Variants in AGMO observed in about 807,000 individuals in gnomAD.
The protein encoded by AGMO is glyceryl-ether monooxygenase.
AGMO carries 75 observed loss-of-function variants against 60.2 expected under a neutral mutation model. That is an observed-to-expected ratio of 1.25 (90% CI 1.03 to 1.51). The LOEUF is 1.51. AGMO is among the 40% of genes most tolerant of loss of function. The pLI, the probability that AGMO is intolerant of heterozygous loss-of-function variation, is 0.00. For missense variants in AGMO, 763 were observed against 525.5 expected (o/e 1.45, Z -4.42); for synonymous variants, 261 against 177.1 (o/e 1.47, Z -3.76).
the AGMO span, among the ~76,000 whole-genome samples, chr7:15,119,505 G>A: frequency 2.6e-5 from 4 of 151,940 alleles, no homozygotes; most frequent in African/African-American, 7.3e-5. Flanking sequence ...AAATTCTAAG[G>A]TCAGTCATCA....
intron 10 of AGMO, among the ~76,000 whole-genome samples, chr7:15,385,143 T>G (rs562708282): frequency 6.6e-6 from 1 of 152,202 alleles, no homozygotes; most frequent in Non-Finnish European, 1.5e-5. Flanking sequence ...TTCTGACTTC[T>G]GAAGTATTTT....
At chr7:15,383,709 T>G (rs763877097) in intron 10 of AGMO, among the ~76,000 whole-genome samples, 58 of 152,298 alleles carry the variant, frequency 3.8e-4, no homozygotes, top group Non-Finnish European at 6.5e-4. Flanking sequence ...GACTCATGCC[T>G]ATCAATAATA....
At chr7:15,205,386 G>GA (rs927931788) in intron 12 of AGMO, among the ~76,000 whole-genome samples, 1 of 151,208 alleles carries the variant, frequency 6.6e-6, no homozygotes. Context: ...ATTCACAAGA[G>GA]AAAAAAAATC....
At chr7:15,347,236 G>A (rs1373614044) in intron 12 of AGMO, among the ~76,000 whole-genome samples, 1 of 151,908 alleles carries the variant, frequency 6.6e-6, no homozygotes, top group African/African-American at 2.4e-5. Context: ...ATAGATTAAA[G>A]GACCTAGATC....
At chr7:15,136,458 A>G in the AGMO span, among the ~76,000 whole-genome samples, 2 of 152,018 alleles carry the variant, frequency 1.3e-5, no homozygotes, top group Non-Finnish European at 1.5e-5. Flanking sequence ...CAGTTGAGTC[A>G]TCATTGCTTT....
intron 3 of AGMO, among the ~76,000 whole-genome samples, chr7:15,452,151 G>C (rs2128505868): frequency 6.6e-6 from 1 of 152,174 alleles, no homozygotes; most frequent in African/African-American, 2.4e-5. Flanking sequence ...GAAAATATAA[G>C]TGTGTATCTT....
chr7:15,529,616 A>AC (rs1417072055), intron 3 of AGMO, among the ~76,000 whole-genome samples: 1 of 12,888 alleles, frequency 7.8e-5, no homozygotes, highest in African/African-American at 3.2e-4. Flanking sequence ...GAGTATATAT[A>AC]TAGAATATAT....
intron 10 of AGMO, among the ~76,000 whole-genome samples, chr7:15,374,837 A>C (rs749896069): frequency 7.9e-5 from 12 of 152,024 alleles, no homozygotes; most frequent in Admixed American, 6.6e-5. Context: ...AAAATAGAGT[A>C]CCAAAAAAGG....
At chr7:15,221,352 A>T (rs1414800364) in intron 12 of AGMO, among the ~76,000 whole-genome samples, 1 of 152,176 alleles carries the variant, frequency 6.6e-6, no homozygotes. Flanking sequence ...TGATAGCTAG[A>T]AAGCTGCCTT....
chr7:15,264,647 A>C (rs1783378257), intron 12 of AGMO, among the ~76,000 whole-genome samples: 1 of 152,148 alleles, frequency 6.6e-6, no homozygotes, highest in African/African-American at 2.4e-5. Context: ...TCTCAAAAGA[A>C]GGCATACAAG....
chr7:15,345,424 A>G (rs992401469), intron 12 of AGMO, among the ~76,000 whole-genome samples: 2 of 152,166 alleles, frequency 1.3e-5, no homozygotes, highest in Non-Finnish European at 2.9e-5. Context: ...CACACTCAAG[A>G]TACAAATCAT....
intron 12 of AGMO, among the ~76,000 whole-genome samples, chr7:15,324,695 G>A (rs899991070): frequency 2.0e-5 from 3 of 152,014 alleles, no homozygotes; most frequent in Non-Finnish European, 2.9e-5. Flanking sequence ...GAGAAGATAC[G>A]GTTTCAGGAA....
chr7:15,548,815 A>C (rs1189741558), intron 2 of AGMO, among the ~76,000 whole-genome samples: 2 of 152,136 alleles, frequency 1.3e-5, no homozygotes, highest in African/African-American at 4.8e-5. Flanking sequence ...AATACAGAGA[A>C]CGCCACAAAG....
chr7:15,257,759 G>C (rs988210786), intron 12 of AGMO, among the ~76,000 whole-genome samples: 1 of 152,180 alleles, frequency 6.6e-6, no homozygotes, highest in South Asian at 2.1e-4. Flanking sequence ...GACAGGCAAG[G>C]AAGGATTTAA....
chr7:15,145,205 A>G, the AGMO span, among the ~76,000 whole-genome samples: 2 of 152,192 alleles, frequency 1.3e-5, no homozygotes, highest in African/African-American at 4.8e-5. Flanking sequence ...AAGATGAGGT[A>G]AAATAGTAAA....
chr7:15,548,670 A>G (rs1784859946), intron 2 of AGMO, among the ~76,000 whole-genome samples: 1 of 152,186 alleles, frequency 6.6e-6, no homozygotes, highest in Non-Finnish European at 1.5e-5. Context: ...ACTATGTGAA[A>G]AGACCAAATC....
At chr7:15,127,028 G>A in the AGMO span, among the ~76,000 whole-genome samples, 1 of 152,086 alleles carries the variant, frequency 6.6e-6, no homozygotes, top group Non-Finnish European at 1.5e-5. Flanking sequence ...ACCAGAAAAT[G>A]TGTAAATTTA....
At chr7:15,171,409 T>A in the AGMO span, among the ~76,000 whole-genome samples, 26 of 152,316 alleles carry the variant, frequency 1.7e-4, no homozygotes, top group South Asian at 5.4e-3. Flanking sequence ...ACCACAGTAG[T>A]ATCTGTCAGT....
chr7:15,157,529 G>A, the AGMO span, among the ~76,000 whole-genome samples: 2 of 152,110 alleles, frequency 1.3e-5, no homozygotes, highest in African/African-American at 2.4e-5. Flanking sequence ...TTTTTGCCAG[G>A]CTGCAGGTCC....
Sources: gnomAD v4.1 joint callset for allele counts (sites outside exome capture counted in the v4.1 genomes callset) on GRCh38, gnomAD v4.1.1 for gene constraint, MANE v1.5 for transcripts, NCBI Gene and HGNC (gene_info 2026-07-23, HGNC 2026-07-21) for gene names.